PAH: variants seen among roughly 807,000 people sequenced by gnomAD.
PAH encodes phenylalanine-4-hydroxylase.
Under a neutral mutation model 62.0 loss-of-function variants are expected in PAH, and 64 were observed. The observed-to-expected ratio is 1.03, with a 90% CI of 0.84 to 1.27. The LOEUF (loss-of-function observed/expected upper bound fraction) is 1.27, where lower values mean the gene tolerates loss of function less well. Among genes scored for constraint, PAH ranks in the 50% most tolerant of loss-of-function variants. The pLI is 0.00. For missense variants in PAH, 579 were observed against 542.8 expected, an observed-to-expected ratio of 1.07 and a Z score of -0.66; for synonymous variants, 195 against 196.2, an observed-to-expected ratio of 0.99 and a Z score of 0.05.
At chr12:102,860,729 G>A (rs1451048610) in intron 5 of PAH, among the ~76,000 whole-genome samples, 1 of 152,120 alleles carries the variant, frequency 6.6e-6, no homozygotes, top group African/African-American at 2.4e-5. Context: ...AACAAGAAAT[G>A]GGGAAAGGAT....
At chr12:102,872,277 T>C (rs1876378259) in intron 4 of PAH, among the ~76,000 whole-genome samples, 1 of 152,202 alleles carries the variant, frequency 6.6e-6, no homozygotes, top group African/African-American at 2.4e-5. Flanking sequence ...GACCTTATTC[T>C]GGCTTTCTAT....
chr12:102,928,842 A>C (rs1878761671), intron 1 of PAH, among the ~76,000 whole-genome samples: 1 of 152,104 alleles, frequency 6.6e-6, no homozygotes, highest in Non-Finnish European at 1.5e-5. Flanking sequence ...CCAATCTAAA[A>C]ATATTTGTTC....
intron 2 of PAH, among the ~76,000 whole-genome samples, chr12:102,897,492 TA>T (rs1555208291): frequency 1.5e-5 from 2 of 137,454 alleles, no homozygotes; most frequent in African/African-American, 6.4e-5. Flanking sequence ...TATATATATA[TA>T]ATTCAAACTG....
intron 3 of PAH, among the ~76,000 whole-genome samples, chr12:102,891,920 GC>G (rs1305320069): frequency 6.6e-6 from 1 of 152,148 alleles, no homozygotes; most frequent in African/African-American, 2.4e-5. Flanking sequence ...AGGCTGAATT[GC>G]CCCAGGATCT....
At chr12:102,932,138 C>A (rs1878902015) in intron 1 of PAH, among the ~76,000 whole-genome samples, 1 of 152,136 alleles carries the variant, frequency 6.6e-6, no homozygotes, top group South Asian at 2.1e-4. Flanking sequence ...TACAAATCTC[C>A]CAGGCCATCC....
intron 4 of PAH, among the ~76,000 whole-genome samples, chr12:102,874,129 G>C (rs535018600): frequency 6.6e-6 from 1 of 152,296 alleles, no homozygotes; most frequent in South Asian, 2.1e-4. Context: ...CAGGAGGAAG[G>C]CTTTAGGGAG....
At chr12:102,879,370 A>G (rs931817947) in intron 3 of PAH, among the ~76,000 whole-genome samples, 6 of 151,518 alleles carry the variant, frequency 4.0e-5, no homozygotes, top group African/African-American at 1.5e-4. Context: ...TAGATGGGGC[A>G]GGAAAGAGCA....
At chr12:102,888,909 G>A (rs1877150759) in intron 3 of PAH, among the ~76,000 whole-genome samples, 1 of 152,066 alleles carries the variant, frequency 6.6e-6, no homozygotes, top group Non-Finnish European at 1.5e-5. Flanking sequence ...GCTGTGAAAG[G>A]CACACATGGA....
At chr12:102,885,767 G>A (rs935068247) in intron 3 of PAH, among the ~76,000 whole-genome samples, 5 of 152,180 alleles carry the variant, frequency 3.3e-5, no homozygotes, top group African/African-American at 1.2e-4. Flanking sequence ...TGCAGGCTGA[G>A]TCCAATCTTA....
intron 8 of PAH, among the ~76,000 whole-genome samples, chr12:102,850,150 A>G (rs1211378380): frequency 6.6e-6 from 1 of 152,210 alleles, no homozygotes; most frequent in African/African-American, 2.4e-5. Context: ...AAACTGTCCC[A>G]AGCAATCAAA....
At chr12:102,910,457 G>A (rs571493468) in intron 2 of PAH, among the ~76,000 whole-genome samples, 2 of 150,418 alleles carry the variant, frequency 1.3e-5, no homozygotes, top group East Asian at 2.0e-4. Flanking sequence ...TGCAAGCTCC[G>A]CCTCCAGGGT....
Position 102,851,700 on chromosome 12 carries a change from G to A in PAH, c.899C>T (p.Ala300Val), listed in dbSNP as rs199475609. ...HVPLFSDRSFAQFSQEIGLAS... is the reference protein window; with the variant it reads ...HVPLFSDRSFVQFSQEIGLAS... Reference sequence around the variant, plus strand: ...TCCATTCCTTACCTGGGAAAACTGGGCAAAGCTGCGATCTGAAAACAAGGG... The same window carrying A: ...TCCATTCCTTACCTGGGAAAACTGGACAAAGCTGCGATCTGAAAACAAGGG... The change falls in exon 8 of 13, where the codon GCC (alanine) becomes GTC (valine). Residue 300 changes from alanine to valine, a missense_variant. Coordinates refer to ENST00000553106, the MANE Select transcript of PAH (RefSeq NM_000277.3). 1.2e-6 allele frequency: 2 copies of A among 1,613,880 alleles called. No individual in the cohort carries two copies. Among genetic ancestry groups the A allele is most frequent in the Non-Finnish European group, 1.7e-6 (2 of 1,179,838 alleles).
intron 2 of PAH, among the ~76,000 whole-genome samples, chr12:102,905,851 T>C (rs7306260): frequency 0.45 from 66,987 of 149,290 alleles, 17,084 homozygotes; most frequent in African/African-American, 0.7. Context: ...AATTCAAGAA[T>C]AAACAAAAAT....
chr12:102,849,067 G>T (rs570417852), intron 8 of PAH, among the ~76,000 whole-genome samples: 2 of 152,196 alleles, frequency 1.3e-5, no homozygotes, highest in Admixed American at 1.3e-4. Context: ...GGAGGCTACC[G>T]CAGTCACTAG....
chr12:102,908,837 C>CTTTTTT (rs3062641), intron 2 of PAH, among the ~76,000 whole-genome samples: 3 of 120,000 alleles, frequency 2.5e-5, no homozygotes, highest in Non-Finnish European at 3.4e-5. Flanking sequence ...CCTCATGTCT[C>CTTTTTT]TTTTTTTTTT....
chr12:102,866,779 G>C (rs1478043546), intron 4 of PAH, 116 bp from the exon 5 acceptor site: 2 of 853,570 alleles, frequency 2.3e-6, no homozygotes, highest in African/African-American at 3.3e-5. Context: ...CCTTCCCTTG[G>C]TTATACCCTA....
chr12:102,925,952 T>C lies in PAH; in HGVS notation c.-95-8727A>G, dbSNP rs537893227. ...TATGATCTCAAGACTCTGAAGTCATTGCATGAGCATCCCTTCTCGGCAACA... is the reference window on the plus strand; with the variant it reads ...TATGATCTCAAGACTCTGAAGTCATCGCATGAGCATCCCTTCTCGGCAACA... On this transcript the variant is annotated intron_variant, in intron 1 of 3. Transcript: ENST00000546844. 4.6e-5 allele frequency among the ~76,000 whole-genome samples: 7 copies of C among 152,262 alleles called. 1 individual carries two copies. Among genetic ancestry groups the C allele is most frequent in the African/African-American group, 1.7e-4 (7 of 41,572 alleles).
At chr12:102,919,924 C>A (rs1878512059), upstream of PAH, among the ~76,000 whole-genome samples, 1 of 152,142 alleles carries the variant, frequency 6.6e-6, no homozygotes, top group South Asian at 2.1e-4. Context: ...ACAGACATCT[C>A]TTTGATATAC....
intron 1 of PAH, among the ~76,000 whole-genome samples, chr12:102,928,809 G>C (rs543677008): frequency 6.6e-6 from 1 of 152,212 alleles, no homozygotes; most frequent in South Asian, 2.1e-4. Flanking sequence ...ACACTTGGGG[G>C]ACTAGACATG....
Sources: gnomAD v4.1 joint callset for allele counts (sites outside exome capture counted in the v4.1 genomes callset) on GRCh38, gnomAD v4.1.1 for gene constraint, MANE v1.5 for transcripts, NCBI Gene and HGNC (gene_info 2026-07-23, HGNC 2026-07-21) for gene names.